The following CADM2 variants were observed in gnomAD, a reference collection of about 807,000 sequenced individuals.
CADM2 encodes immunoglobulin superfamily member 4D.
CADM2 carries 12 observed loss-of-function variants against 49.8 expected under a neutral mutation model. That is an observed-to-expected ratio of 0.24 (90% CI 0.15 to 0.39). The LOEUF (loss-of-function observed/expected upper bound fraction) is 0.39. CADM2 is among the 10% of genes least tolerant of loss of function. CADM2 has a pLI of 1.00. For missense variants in CADM2, 378 were observed against 492.3 expected, an observed-to-expected ratio of 0.77 and a Z score of 2.20; for synonymous variants, 214 against 175.4, an observed-to-expected ratio of 1.22 and a Z score of -1.74.
chr3:85,924,655 A>T (rs938071841), intron 6 of CADM2, among the ~76,000 whole-genome samples: 4 of 152,064 alleles, frequency 2.6e-5, no homozygotes, highest in African/African-American at 9.7e-5. Context: ...GTGCTGATGC[A>T]TTTATTATCT....
chr3:85,863,322 T>C (rs573906029), intron 3 of CADM2, among the ~76,000 whole-genome samples: 3 of 152,294 alleles, frequency 2.0e-5, no homozygotes, highest in African/African-American at 7.2e-5. Context: ...ATTGCCAATG[T>C]CATTGCATTG....
intron 3 of CADM2, among the ~76,000 whole-genome samples, chr3:85,875,838 T>C (rs959855676): frequency 1.4e-4 from 22 of 152,154 alleles, no homozygotes; most frequent in African/African-American, 5.1e-4. Flanking sequence ...ACAGAGGAAG[T>C]AGTCTACTCT....
intron 8 of CADM2, chr3:86,014,411 G>T: frequency 6.8e-7 from 1 of 1,478,090 alleles, no homozygotes; most frequent in Non-Finnish European, 9.0e-7. Context: ...ACGAAGTGAT[G>T]GAAAATATTG....
intron 1 of CADM2, among the ~76,000 whole-genome samples, chr3:85,363,581 G>A (rs2032515317): frequency 6.6e-6 from 1 of 152,068 alleles, no homozygotes. Flanking sequence ...TGTAAAGACT[G>A]TGGTATTTTG....
At chr3:85,511,821 G>A (rs891382119) in intron 1 of CADM2, 1 of 946,232 alleles carries the variant, frequency 1.1e-6, no homozygotes, top group Non-Finnish European at 1.3e-6. Flanking sequence ...ATATCCCTTT[G>A]AAACTAATGG....
At chr3:85,637,494 C>CG (rs1222395754) in intron 1 of CADM2, among the ~76,000 whole-genome samples, 1 of 148,188 alleles carries the variant, frequency 6.7e-6, no homozygotes, top group Non-Finnish European at 1.5e-5. Context: ...CCCAGCTACT[C>CG]GGGAGGCTGA....
chr3:85,208,745 C>T (rs546008079), intron 1 of CADM2, among the ~76,000 whole-genome samples: 6 of 152,158 alleles, frequency 3.9e-5, no homozygotes, highest in African/African-American at 1.4e-4. Context: ...TAAAAATAAT[C>T]TCTGATTCAC....
chr3:85,574,941 A>G (rs538321605), intron 1 of CADM2, among the ~76,000 whole-genome samples: 1 of 152,214 alleles, frequency 6.6e-6, no homozygotes, highest in African/African-American at 2.4e-5. Context: ...AAAAAGACCC[A>G]TTACTCAAGC....
At chr3:85,769,497 ATATATGTATATATACACG>A (rs1441005572) in intron 2 of CADM2, among the ~76,000 whole-genome samples, 3 of 70,064 alleles carry the variant, frequency 4.3e-5, no homozygotes, top group Non-Finnish European at 7.9e-5. Context: ...ACATATATAC[ATATATGTATATATACACG>A]TATATACATA....
intron 1 of CADM2, among the ~76,000 whole-genome samples, chr3:85,655,800 C>T (rs1203296229): frequency 6.6e-6 from 1 of 152,132 alleles, no homozygotes; most frequent in African/African-American, 2.4e-5. Flanking sequence ...TCTTGGGCCC[C>T]ATTCCCCAAG....
intron 1 of CADM2, among the ~76,000 whole-genome samples, chr3:85,283,674 G>T (rs572778606): frequency 6.6e-6 from 1 of 152,150 alleles, no homozygotes. Flanking sequence ...AGTGTGAGAT[G>T]ATTGAATAAA....
At chr3:85,545,188 G>A (rs1304124130) in intron 1 of CADM2, among the ~76,000 whole-genome samples, 1 of 152,100 alleles carries the variant, frequency 6.6e-6, no homozygotes, top group Admixed American at 6.6e-5. Flanking sequence ...TAATAAGCAT[G>A]GCATCGTTGG....
At chr3:85,507,376 A>G (rs2040404408) in intron 1 of CADM2, among the ~76,000 whole-genome samples, 1 of 151,904 alleles carries the variant, frequency 6.6e-6, no homozygotes. Context: ...TTTAGTAGAC[A>G]TGGGGTTTCA....
chr3:85,233,715 A>C (rs2042350862), intron 1 of CADM2, among the ~76,000 whole-genome samples: 4 of 152,156 alleles, frequency 2.6e-5, no homozygotes. Context: ...TTTGTTTATA[A>C]TGGTTTAAAT....
At chr3:85,937,610 A>G (rs1721335055) in intron 7 of CADM2, among the ~76,000 whole-genome samples, 1 of 151,994 alleles carries the variant, frequency 6.6e-6, no homozygotes, top group South Asian at 2.1e-4. Context: ...TTACTTTTGA[A>G]AAACTAGAAT....
chr3:85,217,271 G>T (rs2041948389), intron 1 of CADM2, among the ~76,000 whole-genome samples: 1 of 151,650 alleles, frequency 6.6e-6, no homozygotes, highest in South Asian at 2.1e-4. Context: ...GATGTTTGTT[G>T]AGAAAACTCA....
At chr3:85,879,864 G>A (rs1050640678) in intron 3 of CADM2, among the ~76,000 whole-genome samples, 2 of 152,148 alleles carry the variant, frequency 1.3e-5, no homozygotes, top group African/African-American at 4.8e-5. Flanking sequence ...GTAAGTGTGT[G>A]TGTGTTTATA....
chr3:85,013,721 T>G (rs1018346087), intron 1 of CADM2, among the ~76,000 whole-genome samples: 1 of 150,274 alleles, frequency 6.7e-6, no homozygotes, highest in Non-Finnish European at 1.5e-5. Context: ...AGTCCCTCCT[T>G]GTCCCATGGT....
intron 1 of CADM2, among the ~76,000 whole-genome samples, chr3:85,308,100 T>C (rs1357972757): frequency 6.6e-6 from 1 of 151,844 alleles, no homozygotes; most frequent in East Asian, 1.9e-4. Context: ...ACTGCATTTA[T>C]TTTAGTGTCT....
Sources: allele counts gnomAD v4.1 joint callset (sites outside exome capture counted in the v4.1 genomes callset), GRCh38; gene constraint gnomAD v4.1.1; transcripts MANE v1.5; gene names NCBI Gene and HGNC (gene_info 2026-07-23, HGNC 2026-07-21).